BMP2K: variants seen among roughly 807,000 people sequenced by gnomAD.
BMP2K encodes BMP-2-inducible protein kinase.
BMP2K carries 74 observed loss-of-function variants against 116.0 expected under a neutral mutation model. The ratio of observed to expected loss-of-function variants is 0.64; its 90% CI spans 0.53 to 0.77. The LOEUF (loss-of-function observed/expected upper bound fraction) is 0.77. BMP2K is among the 30% of genes least tolerant of loss of function. The pLI is 0.00. For missense variants in BMP2K, 1,365 were observed against 1,403.6 expected (o/e 0.97, Z 0.44); for synonymous variants, 486 against 502.5 (o/e 0.97, Z 0.44).
chr4:78,833,283 A>C (rs1730296360), intron 2 of BMP2K, among the ~76,000 whole-genome samples: 1 of 152,110 alleles, frequency 6.6e-6, no homozygotes, highest in Non-Finnish European at 1.5e-5. Flanking sequence ...AAAAGTTCTA[A>C]TATTTTATTC....
intron 1 of BMP2K, among the ~76,000 whole-genome samples, chr4:78,784,504 CTA>C (rs1269250174): frequency 1.3e-5 from 2 of 152,200 alleles, no homozygotes; most frequent in South Asian, 2.1e-4. Context: ...GATTCTTTGT[CTA>C]TGTGTATCAG....
intron 13 of BMP2K, 33 bp from the exon 14 acceptor site, chr4:78,878,701 A>G (rs576433088): frequency 7.9e-6 from 12 of 1,510,304 alleles, no homozygotes; most frequent in Non-Finnish European, 3.6e-6. Flanking sequence ...TTTTCTTTCC[A>G]TCTTCTTTTT....
intron 1 of BMP2K, among the ~76,000 whole-genome samples, chr4:78,780,636 G>A (rs1727459399): frequency 6.6e-6 from 1 of 152,158 alleles, no homozygotes; most frequent in African/African-American, 2.4e-5. Context: ...AGAAAAAAGG[G>A]AAGGATCGAA....
chr4:78,861,951 A>G (rs903993431), intron 9 of BMP2K, among the ~76,000 whole-genome samples: 1 of 151,928 alleles, frequency 6.6e-6, no homozygotes, highest in African/African-American at 2.4e-5. Flanking sequence ...TTTTCAGAGT[A>G]TTTATTATAT....
chr4:78,837,770 G>A (rs757164451), intron 3 of BMP2K, among the ~76,000 whole-genome samples: 13 of 152,160 alleles, frequency 8.5e-5, no homozygotes, highest in Non-Finnish European at 1.9e-4. Flanking sequence ...TGAGTAGCTG[G>A]GATTAGAGGT....
At chr4:78,886,443 T>C (rs1244362109) in intron 14 of BMP2K, among the ~76,000 whole-genome samples, 1 of 152,252 alleles carries the variant, frequency 6.6e-6, no homozygotes, top group Admixed American at 6.5e-5. Flanking sequence ...ATACATTTCT[T>C]ATTATGCCTA....
intron 1 of BMP2K, among the ~76,000 whole-genome samples, chr4:78,793,195 A>G (rs1418326939): frequency 6.6e-6 from 1 of 152,048 alleles, no homozygotes; most frequent in Non-Finnish European, 1.5e-5. Flanking sequence ...GCGGATCACG[A>G]GGTCAGGAGA....
chr4:78,825,895 A>G (rs1242481579), intron 1 of BMP2K, 142 bp from the exon 2 acceptor site: 1 of 617,296 alleles, frequency 1.6e-6, no homozygotes, highest in African/African-American at 1.9e-5. Context: ...TTGGCATTTA[A>G]TCTACTAGTA....
Position 78,872,677 on chromosome 4 carries a change from C to A in BMP2K, c.1672C>A (p.Gln558Lys). The part of the protein sequence containing the change: ...QMLAQHQPSQ[Q>K]QASPEYLTSP... ...GCTAGCTCAACATCAGCCGTCTCAACAACAGGCATCACCTGAATATCTTAC... is the reference window on the plus strand; with the variant it reads ...GCTAGCTCAACATCAGCCGTCTCAAAAACAGGCATCACCTGAATATCTTAC... The change falls in exon 13 of 16, where the codon CAA becomes AAA. Residue 558 changes from glutamine (Q) to lysine (K), a missense_variant. Gln to Lys is a moderately conservative substitution (Grantham distance 53). Around this residue, in one of 3 missense-constraint regions of BMP2K, gnomAD observed 762 missense variants for 756.7 expected, o/e 1.01. Coordinates refer to ENST00000502613, the MANE Select transcript of BMP2K (RefSeq NM_198892.2). 1 of 1,614,144 alleles carries A rather than the reference C, an allele frequency of 6.2e-7. No individual in the cohort carries two copies. Among genetic ancestry groups the A allele is most frequent in the Non-Finnish European group, 8.5e-7 (1 of 1,179,990 alleles).
chr4:78,852,698 T>A (rs1378184402), intron 7 of BMP2K, among the ~76,000 whole-genome samples: 1 of 152,144 alleles, frequency 6.6e-6, no homozygotes, highest in East Asian at 1.9e-4. Context: ...TACAAACTCC[T>A]GGCCTCAAGT....
chr4:78,859,724 T>A, intron 8 of BMP2K, 37 bp downstream of exon 8: 1 of 1,383,018 alleles, frequency 7.2e-7, no homozygotes, highest in Non-Finnish European at 1.0e-6. Flanking sequence ...AATTTAAAAT[T>A]CATTTTATCG....
rs1479964647 is a variant in BMP2K, at chr4:78,872,750, T to C, written c.1745T>C (p.Leu582Pro). ...SPALVSYTSS[L>P]PAQVGTIMDS... is the part of the protein sequence containing the mutation. ...GCCTTAGTTTCCTACACTTCATCAC[T>C]TCCAGCTCAGGTTGGAACCATAATG... Residue 582 changes from leucine to proline, a missense_variant, in exon 13 of 16, where the codon CTT (leucine) becomes CCT (proline). Physicochemically the swap from Leu to Pro is moderately conservative, Grantham distance 98. This residue lies in a region of BMP2K where 762 missense variants were observed against 756.7 expected (regional missense o/e 1.01). Transcript: ENST00000502613. 1.4e-5 allele frequency: 22 copies of C among 1,614,154 alleles called. No homozygotes were observed. Among genetic ancestry groups the C allele is most frequent in the Non-Finnish European group, 1.8e-5 (21 of 1,179,990 alleles).
chr4:78,899,198 C>T (rs911559461), intron 15 of BMP2K: 10 of 151,968 alleles, frequency 6.6e-5, no homozygotes, highest in African/African-American at 2.4e-4. Context: ...GAAATAACAG[C>T]CTGAGAGAGA....
chr4:78,909,055 C>CTTTTTTTTT (rs1053664659), intron 15 of BMP2K, among the ~76,000 whole-genome samples: 5 of 94,408 alleles, frequency 5.3e-5, no homozygotes, highest in Non-Finnish European at 5.9e-5. Context: ...TTCCCTTAGT[C>CTTTTTTTTT]TTTTTTTTTT....
At chr4:78,886,444 A>C (rs898787404) in intron 14 of BMP2K, among the ~76,000 whole-genome samples, 1 of 152,160 alleles carries the variant, frequency 6.6e-6, no homozygotes, top group Non-Finnish European at 1.5e-5. Flanking sequence ...TACATTTCTT[A>C]TTATGCCTAT....
At chr4:78,777,894 C>T (rs1727321413) in intron 1 of BMP2K, among the ~76,000 whole-genome samples, 1 of 152,174 alleles carries the variant, frequency 6.6e-6, no homozygotes, top group Non-Finnish European at 1.5e-5. Flanking sequence ...ATCATTGTTT[C>T]GTGAACCATT....
intron 1 of BMP2K, among the ~76,000 whole-genome samples, chr4:78,779,333 C>T (rs1727393943): frequency 1.3e-5 from 2 of 152,170 alleles, no homozygotes; most frequent in South Asian, 2.1e-4. Context: ...AATCATGCCT[C>T]AATGAAGATT....
At chr4:78,838,009 G>A (rs10027127) in intron 3 of BMP2K, among the ~76,000 whole-genome samples, 26,028 of 151,952 alleles carry the variant, frequency 0.17, 4,541 homozygotes, top group African/African-American at 0.45. Flanking sequence ...TGATAAAGAC[G>A]TACTCGAGAC....
At chr4:78,829,649 T>C (rs1730056803) in intron 2 of BMP2K, among the ~76,000 whole-genome samples, 1 of 152,174 alleles carries the variant, frequency 6.6e-6, no homozygotes, top group African/African-American at 2.4e-5. Context: ...ATGGCAGCTA[T>C]AGTCTTAAGA....
Sources: allele counts gnomAD v4.1 joint callset (sites outside exome capture counted in the v4.1 genomes callset), GRCh38; gene constraint gnomAD v4.1.1; regional missense constraint gnomAD v4.1.1; transcripts MANE v1.5; gene names NCBI Gene and HGNC (gene_info 2026-07-23, HGNC 2026-07-21).